The following WDR49 variants were observed in gnomAD, a reference collection of about 807,000 sequenced individuals.
The protein encoded by WDR49 is WD repeat domain 49.
Under a neutral mutation model 119.5 loss-of-function variants are expected in WDR49, and 107 were observed. The observed-to-expected ratio is 0.90, with a 90% CI of 0.77 to 1.05. The LOEUF (loss-of-function observed/expected upper bound fraction) is 1.05, where lower values mean the gene tolerates loss of function less well. Among genes scored for constraint, WDR49 ranks in the 50% least tolerant of loss-of-function variants. The pLI, the probability that WDR49 is intolerant of heterozygous loss-of-function variation, is 0.00. For synonymous variants in WDR49, 425 were observed against 418.8 expected, an observed-to-expected ratio of 1.01 and a Z score of -0.18; for missense variants, 1,240 against 1,220.5, an observed-to-expected ratio of 1.02 and a Z score of -0.24.
intron 2 of WDR49, among the ~76,000 whole-genome samples, chr3:167,641,902 C>T (rs527468308): frequency 1.3e-5 from 2 of 150,656 alleles, no homozygotes; most frequent in African/African-American, 2.4e-5. Flanking sequence ...AGAGAATAAA[C>T]GTATGCTATG....
At chr3:167,600,100 G>T (rs1240931219) in intron 7 of WDR49, among the ~76,000 whole-genome samples, 2 of 152,064 alleles carry the variant, frequency 1.3e-5, no homozygotes, top group Admixed American at 6.6e-5. Context: ...TTGTGGCTGT[G>T]CTGGTATCCA....
intron 11 of WDR49, among the ~76,000 whole-genome samples, chr3:167,534,432 G>C (rs1237203422): frequency 6.6e-6 from 1 of 152,128 alleles, no homozygotes; most frequent in African/African-American, 2.4e-5. Context: ...TTACACTTCA[G>C]TGCCCATCAC....
chr3:167,533,875 T>A (rs1752930732), intron 11 of WDR49, among the ~76,000 whole-genome samples: 1 of 151,954 alleles, frequency 6.6e-6, no homozygotes, highest in Non-Finnish European at 1.5e-5. Context: ...AATGGTGACT[T>A]TTTTGGGATT....
chr3:167,558,920 G>C (rs1713104437), intron 9 of WDR49, among the ~76,000 whole-genome samples: 1 of 152,168 alleles, frequency 6.6e-6, no homozygotes, highest in Admixed American at 6.5e-5. Flanking sequence ...TCCAGGTCCA[G>C]TTATTTCCCT....
At chr3:167,582,949 A>AACACAC (rs369014712) in intron 7 of WDR49, among the ~76,000 whole-genome samples, 1 of 149,142 alleles carries the variant, frequency 6.7e-6, no homozygotes, top group Non-Finnish European at 1.5e-5. Context: ...TCTCAAAACA[A>AACACAC]ACACACACAC....
chr3:167,635,348 ATTC>A (rs534326906), intron 2 of WDR49, among the ~76,000 whole-genome samples: 110 of 151,886 alleles, frequency 7.2e-4, no homozygotes, highest in African/African-American at 2.5e-3. Context: ...GTGGGGTATT[ATTC>A]TTCTTAAGAC....
Position 167,554,807 on chromosome 3 carries a change from G to T in WDR49, c.1675-9C>A. ...CCATTGAAGTCCCATATCTTTAAGA[G>T]AAAAATTAAAACCACTTTGAGACAG... On this transcript the variant is annotated splice_polypyrimidine_tract_variant and intron_variant, in intron 9 of 18. Coordinates refer to ENST00000682715, the MANE Select transcript of WDR49 (RefSeq NM_001366157.1). 1 of 1,584,044 alleles carries T rather than the reference G, an allele frequency of 6.3e-7. No homozygotes were observed.
chr3:167,571,235 C>G (rs1713920255), intron 8 of WDR49, among the ~76,000 whole-genome samples: 1 of 152,096 alleles, frequency 6.6e-6, no homozygotes, highest in East Asian at 1.9e-4. Flanking sequence ...ATTTGCAAAG[C>G]CAGCATGCTT....
chr3:167,563,627 C>T (rs760323956), intron 8 of WDR49, among the ~76,000 whole-genome samples: 8 of 151,986 alleles, frequency 5.3e-5, no homozygotes, highest in African/African-American at 9.7e-5. Flanking sequence ...TTTAAATTGA[C>T]GCATAATAAC....
At chr3:167,540,996 A>G (rs1205132570) in intron 10 of WDR49, among the ~76,000 whole-genome samples, 1 of 152,030 alleles carries the variant, frequency 6.6e-6, no homozygotes, top group Non-Finnish European at 1.5e-5. Context: ...CCCAATCAGA[A>G]AAAGAAAAAA....
chr3:167,521,569 G>A (rs1752435652), intron 16 of WDR49, among the ~76,000 whole-genome samples: 1 of 152,116 alleles, frequency 6.6e-6, no homozygotes, highest in Non-Finnish European at 1.5e-5. Flanking sequence ...CTATTTTCTT[G>A]TCAGCTCTGA....
chr3:167,564,354 T>C (rs1713461472), intron 8 of WDR49, among the ~76,000 whole-genome samples: 1 of 152,164 alleles, frequency 6.6e-6, no homozygotes. Flanking sequence ...AATACAAGAA[T>C]AACAATATAG....
At chr3:167,516,177 C>A (rs1752193396) in intron 16 of WDR49, among the ~76,000 whole-genome samples, 1 of 152,100 alleles carries the variant, frequency 6.6e-6, no homozygotes. Flanking sequence ...TATACAAGTG[C>A]CATGTTGTTG....
intron 16 of WDR49, among the ~76,000 whole-genome samples, chr3:167,507,488 T>C (rs1751816328): frequency 6.6e-6 from 1 of 152,168 alleles, no homozygotes. Flanking sequence ...GGCCTTGCAG[T>C]TATTGGATTA....
chr3:167,654,813 C>T (rs948152428), upstream of WDR49, among the ~76,000 whole-genome samples: 1 of 151,892 alleles, frequency 6.6e-6, no homozygotes, highest in African/African-American at 2.4e-5. Context: ...TTAGAAGGAT[C>T]CCTTGAACCT....
chr3:167,492,309 G>T (rs1028535117), intron 18 of WDR49, among the ~76,000 whole-genome samples: 28 of 152,068 alleles, frequency 1.8e-4, no homozygotes, highest in Non-Finnish European at 1.2e-4. Flanking sequence ...CAGGGAATTT[G>T]ATTTGAATAC....
chr3:167,630,125 T>G (rs1216692428), intron 2 of WDR49, among the ~76,000 whole-genome samples: 1 of 152,082 alleles, frequency 6.6e-6, no homozygotes, highest in South Asian at 2.1e-4. Context: ...AAATCTTTCA[T>G]GAAAGGAAGA....
chr3:167,571,453 A>G (rs1713935570), intron 8 of WDR49, among the ~76,000 whole-genome samples: 2 of 152,312 alleles, frequency 1.3e-5, no homozygotes, highest in Middle Eastern at 6.8e-3. Flanking sequence ...ACTTACTCCT[A>G]AGAATTTACC....
rs1752483624 is a variant in WDR49 at position 167,522,403 on chromosome 3, T to G, written c.2686A>C (p.Ile896Leu). ...GATTCCTCCTTAGAAAATAAAGAAA[T>G]TTCCTTTTGAATCTCACTTTCCACT... ...NLVESEIQKE[I>L]SLFSKEESCL... The change falls in exon 16 of 19, where the codon ATT (isoleucine) becomes CTT (leucine). Residue 896 changes from isoleucine (I) to leucine (L), a missense_variant. Ile to Leu is a conservative substitution (Grantham distance 5). Coordinates refer to ENST00000682715, the MANE Select transcript of WDR49 (RefSeq NM_001366157.1). 1 of 1,611,324 alleles carries G rather than the reference T, an allele frequency of 6.2e-7. No homozygotes were observed. Among genetic ancestry groups the G allele is most frequent in the Non-Finnish European group, 8.5e-7 (1 of 1,179,214 alleles).
Sources: gnomAD v4.1 joint callset for allele counts (sites outside exome capture counted in the v4.1 genomes callset) on GRCh38, gnomAD v4.1.1 for gene constraint, MANE v1.5 for transcripts, NCBI Gene and HGNC (gene_info 2026-07-23, HGNC 2026-07-21) for gene names.